The following EP400 variants were observed in gnomAD, a reference collection of about 807,000 sequenced individuals.
EP400 encodes E1A binding protein p400, also known as E1A-binding protein p400.
Under a neutral mutation model 354.1 loss-of-function variants are expected in EP400, and 105 were observed. The ratio of observed to expected loss-of-function variants is 0.30; its 90% confidence interval spans 0.25 to 0.35. The LOEUF (loss-of-function observed/expected upper bound fraction) is 0.35. Ranked by LOEUF, EP400 falls within the 10% of genes least tolerant of loss-of-function variation. The pLI is 1.00. For missense variants in EP400, 3,280 were observed against 4,121.0 expected (o/e 0.80, Z 5.59); for synonymous variants, 1,646 against 1,716.9 (o/e 0.96, Z 1.02).
chr12:132,015,522 C>A (rs972807401), intron 19 of EP400, among the ~76,000 whole-genome samples: 3 of 152,200 alleles, frequency 2.0e-5, no homozygotes, highest in Non-Finnish European at 4.4e-5. Flanking sequence ...TTAGGGAGTC[C>A]GACCCATTGC....
intron 2 of EP400, chr12:131,963,635 C>T (rs1593311907): frequency 6.3e-7 from 1 of 1,597,736 alleles, no homozygotes; most frequent in East Asian, 2.2e-5. Flanking sequence ...CAGCAGCAAC[C>T]ATTTCAGGTA....
At chr12:132,012,987 A>T (rs1252040797) in intron 16 of EP400, 22 bp from the exon 17 acceptor site, 1 of 1,583,974 alleles carries the variant, frequency 6.3e-7, no homozygotes, top group African/African-American at 1.3e-5. Context: ...GAAGGCACTG[A>T]GCTGTCCTCT....
At position 132,075,583 on chromosome 12, in the gene EP400, T is replaced by C. The variant is rs750352716; in HGVS notation, c.9022-933T>C. On this transcript the variant is annotated intron_variant, in intron 51 of 52. Coordinates refer to ENST00000389561, the MANE Select transcript of EP400 (RefSeq NM_015409.5). This position sits in a 1 kb window ranked among gnomAD's most constrained non-coding sequence, Gnocchi z 4.5. The stretch of plus-strand genomic sequence containing the variant: ...CCACAGGGGGCGCTCAGGGCACTTA[T>C]CTTAGTGAATTTTATTTATAATTGT... 19 of 152,202 alleles carry C rather than the reference T, an allele frequency of 1.2e-4. No homozygotes were observed. The highest frequency in any genetic ancestry group is 2.9e-4 in the African/African-American group (12 of 41,452). 9.4% of individuals were successfully genotyped at this position (152,202 alleles called of 1,614,324 possible).
At chr12:132,055,840 T>G (rs1895491461) in intron 45 of EP400, among the ~76,000 whole-genome samples, 1 of 151,678 alleles carries the variant, frequency 6.6e-6, no homozygotes, top group Non-Finnish European at 1.5e-5. Context: ...CGCTGCTGAT[T>G]CTATTGCCGC....
At chr12:132,033,050 C>T (rs978703321) in intron 30 of EP400, among the ~76,000 whole-genome samples, 2 of 152,068 alleles carry the variant, frequency 1.3e-5, no homozygotes, top group South Asian at 2.1e-4. Flanking sequence ...TGGGTTCAAG[C>T]GATTCTTCCG....
Position 132,062,553 on chromosome 12 carries a change from AGCAG to A in EP400, c.8187_8190del (p.Gln2729HisfsTer47), listed in dbSNP as rs758577592. The A allele has an allele frequency of 1.2e-4, 185 of 1,552,252 alleles. No individual in the cohort carries two copies. The African/African-American group carries it at 2.2e-3, about 18-fold the overall frequency. On this transcript the variant is annotated frameshift_variant, in exon 47 of 53. Coordinates refer to ENST00000389561, the MANE Select transcript of EP400 (RefSeq NM_015409.5). LOFTEE classifies it high-confidence loss of function. ...CAGCAGCAGCAGCAGCAACAACAGC[AGCAG>A]CAGCAGCAGCAGCAGCAGCAGCAGC...
intron 32 of EP400, among the ~76,000 whole-genome samples, chr12:132,040,515 A>G (rs917229583): frequency 2.0e-5 from 3 of 152,246 alleles, no homozygotes; most frequent in African/African-American, 7.2e-5. Context: ...GTTGTTTCCC[A>G]GCAGCATAGT....
chr12:132,009,364 T>C (rs1333374448), intron 15 of EP400, among the ~76,000 whole-genome samples: 2 of 152,216 alleles, frequency 1.3e-5, no homozygotes, highest in African/African-American at 4.8e-5. Flanking sequence ...TTCTAGGTCC[T>C]GAGGTTGCAG....
chr12:131,992,427 A>G (rs1025020179), intron 11 of EP400, among the ~76,000 whole-genome samples, 197 bp downstream of exon 11: 3 of 152,168 alleles, frequency 2.0e-5, no homozygotes, highest in Admixed American at 6.6e-5. Context: ...CTGGAGCAAC[A>G]TGGTCGTATC....
intron 50 of EP400, chr12:132,068,641 T>TGTCTGGGTA: frequency 1.3e-5 from 2 of 152,404 alleles, no homozygotes; most frequent in Middle Eastern, 6.8e-3. Flanking sequence ...AGGCGCAGGG[T>TGTCTGGGTA]GTCTGGGTAG....
At chr12:132,077,197 C>T (rs893635720) in intron 52 of EP400, among the ~76,000 whole-genome samples, 2 of 152,210 alleles carry the variant, frequency 1.3e-5, no homozygotes, top group Admixed American at 6.5e-5. Flanking sequence ...TGGTGTTAGT[C>T]TAAAAGCAAC....
chr12:132,069,199 G>T (rs1002439762), intron 50 of EP400: 1 of 373,718 alleles, frequency 2.7e-6, no homozygotes, highest in Non-Finnish European at 4.9e-6. Context: ...AAGGGTGTCA[G>T]GGTGCCCCAC....
At chr12:131,991,520 C>A in intron 10 of EP400, 64 bp downstream of exon 10, 1 of 1,397,212 alleles carries the variant, frequency 7.2e-7, no homozygotes, top group Non-Finnish European at 1.0e-6. Context: ...TAGAGTGGGC[C>A]TTTTCATTCT....
intron 4 of EP400, 143 bp downstream of exon 4, chr12:131,981,739 T>A (rs2136491474): frequency 1.5e-6 from 1 of 685,416 alleles, no homozygotes; most frequent in South Asian, 1.9e-5. Context: ...CTTCTCTGAG[T>A]CCCAGTCGAT....
In EP400 at chr12:132,025,323, G is replaced by A. The variant is rs1292219887; in HGVS notation, c.4856-323G>A. Among the ~76,000 whole-genome samples, 2 of 152,172 alleles carry A rather than the reference G, an allele frequency of 1.3e-5. No homozygotes were observed. The highest frequency in any genetic ancestry group is 2.9e-5 in the Non-Finnish European group (2 of 68,028). On this transcript the variant is annotated intron_variant, in intron 24 of 52. Coordinates refer to ENST00000389561, the MANE Select transcript of EP400 (RefSeq NM_015409.5). This position sits in a 1 kb window ranked among gnomAD's most constrained non-coding sequence, Gnocchi z 4.1. ...TCATTCTCCTTGACTGCTGTGATCT[G>A]GGAGTGGGGATGTCCGCCTCAGTAC...
chr12:132,054,785 G>T lies in EP400; in HGVS notation c.7729-189G>T, dbSNP rs896594820. 9.2e-5 allele frequency among the ~76,000 whole-genome samples: 14 copies of T among 151,854 alleles called. No individual in the cohort carries two copies. Among genetic ancestry groups the T allele is most frequent in the African/African-American group, 3.4e-4 (14 of 41,314 alleles). ...GGGGTGGAGGGACAATGGGATAGGG[G>T]TGGAGGGACAGCAGGTAGACAGAGG... On this transcript the variant is annotated intron_variant, in intron 43 of 52. Transcript: ENST00000389561. This position sits in a 1 kb window ranked among gnomAD's most constrained non-coding sequence, Gnocchi z 4.0.
chr12:132,025,885 T>C lies in EP400; in HGVS notation c.5014+81T>C. ...CTAAGGCGAGTGGAAAGCATTCATG[T>C]GTCTTTGACTGTATCTCAGAACAGC... On this transcript the variant is annotated intron_variant, in intron 25 of 52. Coordinates refer to ENST00000389561, the MANE Select transcript of EP400 (RefSeq NM_015409.5). The surrounding 1 kb of genome is among the most constrained non-coding windows in gnomAD (Gnocchi z 4.1). The C allele has an allele frequency of 7.0e-7, 1 of 1,432,424 alleles. No homozygotes were observed. Among genetic ancestry groups the C allele is most frequent in the Non-Finnish European group, 9.2e-7 (1 of 1,087,824 alleles). The allele number at this position is 1,432,424 out of a possible 1,614,324, so 88.7% of individuals were successfully genotyped here.
intron 7 of EP400, among the ~76,000 whole-genome samples, chr12:131,988,760 C>A (rs966605778): frequency 1.3e-5 from 2 of 152,188 alleles, no homozygotes; most frequent in Admixed American, 1.3e-4. Flanking sequence ...TTATCCTCCT[C>A]ATTACTGTGT....
At chr12:131,968,837 T>TA (rs1273860257) in intron 2 of EP400, among the ~76,000 whole-genome samples, 3 of 152,166 alleles carry the variant, frequency 2.0e-5, no homozygotes, top group Non-Finnish European at 4.4e-5. Context: ...AAGTAGTACT[T>TA]AAAAAAATTT....
Sources: allele counts gnomAD v4.1 joint callset (sites outside exome capture counted in the v4.1 genomes callset), GRCh38; gene constraint gnomAD v4.1.1; non-coding constraint Gnocchi (gnomAD v3.1); transcripts MANE v1.5; gene names NCBI Gene and HGNC (gene_info 2026-07-23, HGNC 2026-07-21).